The following GPR161 variants were observed in gnomAD, a reference collection of about 807,000 sequenced individuals.
GPR161 encodes the protein G protein-coupled receptor 161, also known as G-protein coupled receptor RE2.
In GPR161, 25 loss-of-function variants were observed where a neutral mutation model predicts 39.2. The observed-to-expected ratio is 0.64, with a 90% CI of 0.47 to 0.89. GPR161 has a LOEUF of 0.89. GPR161 is among the 40% of genes least tolerant of loss of function. The pLI is 0.00. For synonymous variants in GPR161, 286 were observed against 276.6 expected (o/e 1.03, Z -0.34); for missense variants, 547 against 677.8 (o/e 0.81, Z 2.14).
rs770594767 is a variant in GPR161 at position 168,096,737 on chromosome 1, G to T, written c.870C>A (p.Ile290=). The change falls in exon 3 of 6, where the codon ATC becomes ATA. Residue 290 remains isoleucine (I), a synonymous_variant. Coordinates refer to ENST00000682931, the MANE Select transcript of GPR161 (RefSeq NM_001375883.1). ...TTTTCCCCCAGAGGGCCTCAGAGGC[G>T]ATGACAACCATGTAGGGGCCCCAGG... The part of the protein sequence containing the change: ...MVTWGPYMVV[I]ASEALWGKSS... 3 of 1,614,106 alleles carry T rather than the reference G, an allele frequency of 1.9e-6. No individual in the cohort carries two copies. The highest frequency in any genetic ancestry group is 2.2e-5 in the South Asian group (2 of 91,080).
rs149730785 is a variant in GPR161 at position 168,104,706 on chromosome 1, C to T, written c.145G>A (p.Val49Met). ...IFVCLGNLVI[V>M]VTLYKKSYLL... ...TAGGACTTCTTGTACAAGGTGACCACGATGACCAGGTTTCCCAGGCAGACA... is the reference window on the plus strand; with the variant it reads ...TAGGACTTCTTGTACAAGGTGACCATGATGACCAGGTTTCCCAGGCAGACA... Residue 49 changes from valine (V) to methionine (M), a missense_variant, in exon 2 of 6, where the codon GTG becomes ATG. By Grantham distance (21) the Val-to-Met change is conservative. Coordinates refer to ENST00000682931, the MANE Select transcript of GPR161 (RefSeq NM_001375883.1). 25 of 1,613,812 alleles carry T rather than the reference C, an allele frequency of 1.5e-5. No homozygotes were observed. Among genetic ancestry groups the T allele is most frequent in the African/African-American group, 2.7e-5 (2 of 74,992 alleles).
At chr1:168,099,023 G>C (rs546239153) in intron 2 of GPR161, among the ~76,000 whole-genome samples, 59 of 152,308 alleles carry the variant, frequency 3.9e-4, no homozygotes, top group African/African-American at 1.4e-3. Flanking sequence ...TCCTAGGAAC[G>C]AATGAGGAAG....
intron 1 of GPR161, among the ~76,000 whole-genome samples, chr1:168,120,330 T>C (rs1698063453): frequency 6.6e-6 from 1 of 152,232 alleles, no homozygotes; most frequent in South Asian, 2.1e-4. Context: ...TGTGGTCCCT[T>C]TGTTTTGGCC....
intron 2 of GPR161, among the ~76,000 whole-genome samples, chr1:168,101,440 T>G (rs1431640174): frequency 6.6e-6 from 1 of 152,178 alleles, no homozygotes; most frequent in African/African-American, 2.4e-5. Context: ...CACAGAGAAT[T>G]ATCTGGCTCG....
rs749174723 is a variant in GPR161, at chr1:168,085,700, G to T, written c.1421C>A (p.Ala474Asp). The change falls in exon 6 of 6, where the codon GCC becomes GAC. Residue 474 changes from alanine to aspartate, a missense_variant. By Grantham distance (126) the Ala-to-Asp change is moderately radical. Coordinates refer to ENST00000682931, the MANE Select transcript of GPR161 (RefSeq NM_001375883.1). ...CTCCTCCCCAAATAAGTTGATTTTG[G>T]CTTCGGCCTCAATGGCTTTGGCCAA... ...ASLAKAIEAE[A>D]KINLFGEEAL... 12 of 1,614,100 alleles carry T rather than the reference G, an allele frequency of 7.4e-6. No homozygotes were observed. Among genetic ancestry groups the T allele is most frequent in the Non-Finnish European group, 1.0e-5 (12 of 1,180,038 alleles).
chr1:168,091,686 C>CA (rs1428899230), intron 3 of GPR161, among the ~76,000 whole-genome samples: 3 of 152,054 alleles, frequency 2.0e-5, no homozygotes, highest in Admixed American at 6.5e-5. Flanking sequence ...AAATGGACCT[C>CA]AGAGGATTCA....
At chr1:168,134,969 C>CAG (rs1350904922) in intron 1 of GPR161, 1 of 1,535,696 alleles carries the variant, frequency 6.5e-7, no homozygotes, top group African/African-American at 1.4e-5. Flanking sequence ...GGAACCCAAA[C>CAG]AGAGAGCTCG....
Position 168,098,721 on chromosome 1 carries a change from C to T in GPR161, c.375-1489G>A, listed in dbSNP as rs941896182. On this transcript the variant is annotated intron_variant, in intron 2 of 5. Transcript: ENST00000682931. The surrounding 1 kb of genome is among the most constrained non-coding windows in gnomAD (Gnocchi z 4.1). The stretch of plus-strand genomic sequence containing the variant: ...ATCTATCCTGGAAAGAGAGCATTTC[C>T]GGCTATGCGGCCTGAGGAGAAGATT... Among the ~76,000 whole-genome samples, 8 of 152,308 alleles carry T rather than the reference C, an allele frequency of 5.3e-5. No individual in the cohort carries two copies. The highest frequency in any genetic ancestry group is 7.2e-5 in the African/African-American group (3 of 41,586).
Position 168,081,793 on chromosome 1 carries a change from C to A in GPR161, c.*3738G>T. ...ACACAGCACCTAGCACATCATAGGC[C>A]CTCAAATGTCAAACAGGTCAGGCCC... On this transcript the variant is annotated 3_prime_UTR_variant, in exon 6 of 6. Transcript: ENST00000682931. The A allele has an allele frequency of 6.6e-6, 1 of 152,482 alleles. No homozygotes were observed. The highest frequency in any genetic ancestry group is 1.5e-5 in the Non-Finnish European group (1 of 68,102). 9.4% of individuals were successfully genotyped at this position (152,482 alleles called of 1,614,324 possible).
intron 1 of GPR161, among the ~76,000 whole-genome samples, chr1:168,128,549 A>G (rs1043473948): frequency 6.6e-6 from 1 of 152,232 alleles, no homozygotes; most frequent in Non-Finnish European, 1.5e-5. Flanking sequence ...TACTGTATGT[A>G]CTTAATAAAC....
intron 2 of GPR161, 137 bp from the exon 3 acceptor site, chr1:168,097,369 G>A: frequency 2.4e-6 from 2 of 818,846 alleles, no homozygotes; most frequent in Non-Finnish European, 3.9e-6. Flanking sequence ...CCCCAGACAA[G>A]TTATATAGAC....
intron 4 of GPR161, chr1:168,087,928 G>A (rs1420533436): frequency 2.2e-6 from 1 of 463,980 alleles, no homozygotes; most frequent in Non-Finnish European, 3.8e-6. Context: ...CACAAAAAAT[G>A]CAGCCAAGTT....
At position 168,084,990 on chromosome 1, in the gene GPR161, A is replaced by G. The variant is rs1290935329; in HGVS notation, c.*541T>C. ...CTCCTGGGTGCTTTCTCTGCGGACC[A>G]GTCCTAGAACTGAGGGTCCCACACT... On this transcript the variant is annotated 3_prime_UTR_variant, in exon 6 of 6. Transcript: ENST00000682931. 2 of 456,288 alleles carry G rather than the reference A, an allele frequency of 4.4e-6. No individual in the cohort carries two copies. The highest frequency in any genetic ancestry group is 4.4e-6 in the Non-Finnish European group (1 of 227,044). 28.3% of individuals were successfully genotyped at this position (456,288 alleles called of 1,614,324 possible).
At position 168,096,713 on chromosome 1, in the gene GPR161, T is replaced by C; in HGVS notation, c.894A>G (p.Lys298=). The change falls in exon 3 of 6, where the codon AAA becomes AAG. Residue 298 remains lysine (K), a synonymous_variant. Transcript: ENST00000682931. ...TCTCCAGGCTCGGGGAGACGGAGCT[T>C]TTCCCCCAGAGGGCCTCAGAGGCGA... The part of the protein sequence containing the change: ...VVIASEALWG[K]SSVSPSLETW... The C allele has an allele frequency of 6.2e-7, 1 of 1,613,846 alleles. No homozygotes were observed. Among genetic ancestry groups the C allele is most frequent in the East Asian group, 2.2e-5 (1 of 44,840 alleles).
chr1:168,122,193 C>T (rs983537145), intron 1 of GPR161, among the ~76,000 whole-genome samples: 1 of 152,222 alleles, frequency 6.6e-6, no homozygotes, highest in African/African-American at 2.4e-5. Flanking sequence ...CGCGTGCCAT[C>T]CCATCCTTCC....
intron 1 of GPR161, among the ~76,000 whole-genome samples, chr1:168,109,049 A>G (rs1696894382): frequency 6.6e-6 from 1 of 152,238 alleles, no homozygotes; most frequent in South Asian, 2.1e-4. Flanking sequence ...GCATAAATAT[A>G]AGAATTAGTC....
At chr1:168,131,680 C>T (rs1010566475) in intron 1 of GPR161, among the ~76,000 whole-genome samples, 2 of 151,960 alleles carry the variant, frequency 1.3e-5, no homozygotes, top group African/African-American at 4.8e-5. Context: ...ACTTCCTAAG[C>T]AAGACAGAAA....
At chr1:168,105,051 T>C in intron 1 of GPR161, 157 bp from the exon 2 acceptor site, 1 of 601,214 alleles carries the variant, frequency 1.7e-6, no homozygotes, top group Non-Finnish European at 2.9e-6. Flanking sequence ...AAGCGCTACA[T>C]AAGTGGGCCA....
At chr1:168,136,479 A>G (rs1699382574) in intron 1 of GPR161, 4 of 1,265,586 alleles carry the variant, frequency 3.2e-6, no homozygotes, top group Non-Finnish European at 4.0e-6. Context: ...GCCTCTCAGA[A>G]GCCCCAGGCC....
Sources: allele counts gnomAD v4.1 joint callset (sites outside exome capture counted in the v4.1 genomes callset), GRCh38; gene constraint gnomAD v4.1.1; non-coding constraint Gnocchi (gnomAD v3.1); transcripts MANE v1.5; gene names NCBI Gene and HGNC (gene_info 2026-07-23, HGNC 2026-07-21).